The following CEP95 variants were observed in gnomAD, a reference collection of about 807,000 sequenced individuals.
The protein encoded by CEP95 is centrosomal protein of 95 kDa.
CEP95 carries 98 observed loss-of-function variants against 111.2 expected under a neutral mutation model. The ratio of observed to expected loss-of-function variants is 0.88; its 90% CI spans 0.75 to 1.04. The LOEUF (loss-of-function observed/expected upper bound fraction) is 1.04, where lower values mean the gene tolerates loss of function less well. Ranked by LOEUF, CEP95 falls within the 50% of genes least tolerant of loss-of-function variation. CEP95 has a pLI of 0.00. For synonymous variants in CEP95, 323 were observed against 327.1 expected (o/e 0.99, Z 0.14); for missense variants, 1,027 against 977.2 (o/e 1.05, Z -0.68).
intron 5 of CEP95, among the ~76,000 whole-genome samples, chr17:64,517,670 T>G (rs1391208340): frequency 6.6e-6 from 1 of 150,408 alleles, no homozygotes; most frequent in Non-Finnish European, 1.5e-5. Context: ...ACCACAGGTG[T>G]GCGCCACCAC....
At position 64,532,350 on chromosome 17, in the gene CEP95, C is replaced by G. The variant is rs1456420970; in HGVS notation, c.1672+328C>G. 2.8e-6 allele frequency: 3 copies of G among 1,090,480 alleles called. No homozygotes were observed. In the African/African-American group the frequency reaches 5.0e-5, roughly 18 times the overall value. 67.6% of individuals were successfully genotyped at this position (1,090,480 alleles called of 1,614,324 possible). A position where few individuals can be genotyped will look rare whatever the true frequency, so the allele number is the denominator to read the frequency against. ...GGTTGGTAGAATGAAAGGGATGCTCCAAGGCAAGCAGATGGCCTGTCCACC... is the reference window on the plus strand; with the variant it reads ...GGTTGGTAGAATGAAAGGGATGCTCGAAGGCAAGCAGATGGCCTGTCCACC... On this transcript the variant is annotated intron_variant, in intron 14 of 19. Coordinates refer to ENST00000556440, the MANE Select transcript of CEP95 (RefSeq NM_138363.3).
intron 11 of CEP95, 95 bp from the exon 12 acceptor site, chr17:64,529,193 T>G (rs75980081): frequency 0.029 from 31,986 of 1,098,928 alleles, 563 homozygotes; most frequent in Non-Finnish European, 0.036. Flanking sequence ...CATTCACTCA[T>G]CAGTCTCTTT....
chr17:64,523,682 T>C (rs9303472), intron 8 of CEP95, among the ~76,000 whole-genome samples: 30,249 of 152,082 alleles, frequency 0.2, 6,468 homozygotes, highest in African/African-American at 0.53. Context: ...GGGAGGCTCA[T>C]GTGAGTGCCA....
chr17:64,507,781 C>G (rs1276075806), intron 1 of CEP95: 3 of 985,362 alleles, frequency 3.0e-6, no homozygotes, highest in African/African-American at 1.7e-5. Flanking sequence ...CAGAACGTTA[C>G]GTGTCCAGAA....
chr17:64,528,413 C>T (rs1968023353), intron 11 of CEP95, among the ~76,000 whole-genome samples: 1 of 152,098 alleles, frequency 6.6e-6, no homozygotes, highest in Non-Finnish European at 1.5e-5. Context: ...GAACCTCTTC[C>T]TTTCCCTTTT....
intron 1 of CEP95, chr17:64,507,928 C>T (rs1375284860): frequency 4.1e-6 from 4 of 985,196 alleles, no homozygotes; most frequent in South Asian, 9.4e-5. Context: ...CCAGCAATAT[C>T]TAGGGGAGAG....
At chr17:64,535,068 A>G in intron 17 of CEP95, 4 of 328,588 alleles carry the variant, frequency 1.2e-5, no homozygotes, top group South Asian at 7.9e-5. Context: ...ATGACCTTGC[A>G]TTCCACATAA....
chr17:64,507,480 G>C, intron 1 of CEP95: 2 of 1,243,636 alleles, frequency 1.6e-6, no homozygotes, highest in Non-Finnish European at 1.0e-6. Flanking sequence ...GGTCGTACCT[G>C]CTTTTGTATT....
chr17:64,529,375 G>A lies in CEP95; in HGVS notation c.1394G>A (p.Arg465Lys). The A allele has an allele frequency of 1.2e-6, 2 of 1,613,846 alleles. No homozygotes were observed. Among genetic ancestry groups the A allele is most frequent in the Non-Finnish European group, 1.7e-6 (2 of 1,179,832 alleles). Residue 465 changes from arginine (R) to lysine (K), a missense_variant, in exon 12 of 20, where the codon AGA becomes AAA. Arg to Lys is a conservative substitution (Grantham distance 26). Transcript: ENST00000556440. ...VNKHKQFHLE[R>K]KRQRKPRETD... is the part of the protein sequence containing the mutation. ...AAACACAAACAGTTCCACTTGGAGAGAAAAAGGCAGCGCAAGCCAAGAGAA... is the reference window on the plus strand; with the variant it reads ...AAACACAAACAGTTCCACTTGGAGAAAAAAAGGCAGCGCAAGCCAAGAGAA...
At chr17:64,520,385 G>A (rs1391305436) in intron 6 of CEP95, 1 of 151,930 alleles carries the variant, frequency 6.6e-6, no homozygotes, top group African/African-American at 2.4e-5. Flanking sequence ...TTCATATTGA[G>A]ATTTAAAGTG....
At chr17:64,514,735 G>T in intron 4 of CEP95, 1 of 302,686 alleles carries the variant, frequency 3.3e-6, no homozygotes, top group Non-Finnish European at 6.0e-6. Context: ...GGAAGAATTG[G>T]TGCATTTGTG....
At chr17:64,527,870 GTATATA>G (rs376144614) in intron 11 of CEP95, among the ~76,000 whole-genome samples, 17 of 112,638 alleles carry the variant, frequency 1.5e-4, no homozygotes, top group South Asian at 3.2e-4. Flanking sequence ...GTGTGTGTGT[GTATATA>G]TATATATATA....
intron 1 of CEP95, chr17:64,507,530 C>T: frequency 5.4e-6 from 6 of 1,105,254 alleles, no homozygotes; most frequent in African/African-American, 1.7e-5. Flanking sequence ...TTATTATGCC[C>T]CTGCAGAATA....
chr17:64,531,980 A>C lies in CEP95; in HGVS notation c.1630A>C (p.Ser544Arg). The change falls in exon 14 of 20, where the codon AGT becomes CGT. Residue 544 changes from serine to arginine, a missense_variant. Transcript: ENST00000556440. ...TTACTCTAGAAAAACCACAACGCAGAGTCTAAGAGGTGGCCTCCCAAAGCC... is the reference window on the plus strand; with the variant it reads ...TTACTCTAGAAAAACCACAACGCAGCGTCTAAGAGGTGGCCTCCCAAAGCC... ...KIYSRKTTTQ[S>R]LRGGLPKPNK... 7 of 1,608,752 alleles carry C rather than the reference A, an allele frequency of 4.4e-6. No individual in the cohort carries two copies. The highest frequency in any genetic ancestry group is 5.9e-6 in the Non-Finnish European group (7 of 1,178,604).
At chr17:64,523,244 T>A (rs1349458684) in intron 8 of CEP95, among the ~76,000 whole-genome samples, 1 of 152,182 alleles carries the variant, frequency 6.6e-6, no homozygotes, top group Non-Finnish European at 1.5e-5. Context: ...GGGTATTGAA[T>A]AATTTACTGC....
At chr17:64,528,564 A>T (rs1555679619) in intron 11 of CEP95, among the ~76,000 whole-genome samples, 1 of 152,256 alleles carries the variant, frequency 6.6e-6, no homozygotes, top group Admixed American at 6.5e-5. Context: ...GTTTTTAAAA[A>T]TACATCTTAG....
rs376620472 is a variant in CEP95, at chr17:64,537,107, G to A, written c.2284G>A (p.Ala762Thr). 11 of 1,611,832 alleles carry A rather than the reference G, an allele frequency of 6.8e-6. No individual in the cohort carries two copies. In the Admixed American group the frequency reaches 8.4e-5, roughly 12 times the overall value. The change falls in exon 19 of 20, where the codon GCC becomes ACC. Residue 762 changes from alanine (A) to threonine (T), a missense_variant. Ala to Thr is a moderately conservative substitution (Grantham distance 58, BLOSUM62 0). Coordinates refer to ENST00000556440, the MANE Select transcript of CEP95 (RefSeq NM_138363.3). ...ACTTAAAGCCAGAGAGAAATCTCAG[G>A]CCCAGGTAATAATTAAGATAGAAGC... ...QELKAREKSQ[A>T]QTLHKVKREL...
At position 64,536,690 on chromosome 17, in the gene CEP95, A is replaced by G. The variant is rs201601893; in HGVS notation, c.2159A>G (p.Glu720Gly). Residue 720 changes from glutamate to glycine, a missense_variant, in exon 18 of 20, where the codon GAA (glutamate) becomes GGA (glycine). By Grantham distance (98) the Glu-to-Gly change is moderately conservative. Coordinates refer to ENST00000556440, the MANE Select transcript of CEP95 (RefSeq NM_138363.3). The part of the protein sequence containing the change: ...LRNYAKEKRD[E>G]QRRRHQDELD... ...AACTATGCCAAAGAAAAGCGAGATG[A>G]ACAAAGGAGACGCCACCAGGATGAA... is the stretch of plus-strand genomic sequence containing the variant. 169 of 1,613,410 alleles carry G rather than the reference A, an allele frequency of 1.0e-4. No individual in the cohort carries two copies. Among genetic ancestry groups the G allele is most frequent in the Non-Finnish European group, 1.3e-4 (152 of 1,179,700 alleles).
At chr17:64,519,918 C>T (rs1555677253) in intron 6 of CEP95, among the ~76,000 whole-genome samples, 2 of 152,208 alleles carry the variant, frequency 1.3e-5, no homozygotes, top group Non-Finnish European at 1.5e-5. Context: ...CAACCTTGCC[C>T]TCCTCCAATC....
Sources: gnomAD v4.1 joint callset for allele counts (sites outside exome capture counted in the v4.1 genomes callset) on GRCh38, gnomAD v4.1.1 for gene constraint, MANE v1.5 for transcripts, NCBI Gene and HGNC (gene_info 2026-07-23, HGNC 2026-07-21) for gene names.